The following PPFIA2 variants were observed in gnomAD, a reference collection of about 807,000 sequenced individuals.
The protein encoded by PPFIA2 is liprin-alpha-2.
A neutral mutation model predicts 175.5 loss-of-function variants in PPFIA2; 46 were observed. That is an observed-to-expected ratio of 0.26 (90% CI 0.21 to 0.34). PPFIA2 has a LOEUF of 0.34. Ranked by LOEUF, PPFIA2 falls within the 10% of genes least tolerant of loss-of-function variation. PPFIA2 has a pLI of 1.00. For missense variants in PPFIA2, 1,179 were observed against 1,506.1 expected, an observed-to-expected ratio of 0.78 and a Z score of 3.60; for synonymous variants, 568 against 511.4, an observed-to-expected ratio of 1.11 and a Z score of -1.49.
chr12:81,481,429 G>T (rs887753394), intron 4 of PPFIA2, among the ~76,000 whole-genome samples: 7 of 152,066 alleles, frequency 4.6e-5, no homozygotes, highest in African/African-American at 1.7e-4. Context: ...AGCCCGCATA[G>T]CCAAGACAAT....
At chr12:81,406,262 T>G (rs1592495327) in intron 7 of PPFIA2, among the ~76,000 whole-genome samples, 1 of 151,998 alleles carries the variant, frequency 6.6e-6, no homozygotes, top group Non-Finnish European at 1.5e-5. Context: ...AATAAAAATG[T>G]TTTTTTGGTC....
chr12:81,521,054 G>T (rs1344963178), intron 4 of PPFIA2, among the ~76,000 whole-genome samples: 1 of 152,002 alleles, frequency 6.6e-6, no homozygotes, highest in African/African-American at 2.4e-5. Flanking sequence ...ATAGTGCTAG[G>T]GAATCATATA....
At chr12:81,290,925 C>A (rs781054463) in intron 24 of PPFIA2, among the ~76,000 whole-genome samples, 1 of 151,716 alleles carries the variant, frequency 6.6e-6, no homozygotes, top group African/African-American at 2.4e-5. Context: ...GATTAAATAA[C>A]TTATCACATT....
chr12:81,648,582 T>C (rs983462387), intron 4 of PPFIA2, among the ~76,000 whole-genome samples: 3 of 152,104 alleles, frequency 2.0e-5, no homozygotes, highest in Non-Finnish European at 4.4e-5. Flanking sequence ...TTGATTTATA[T>C]ATCCTATGTA....
At chr12:81,323,675 T>C (rs903023511) in intron 22 of PPFIA2, among the ~76,000 whole-genome samples, 1 of 151,914 alleles carries the variant, frequency 6.6e-6, no homozygotes, top group Non-Finnish European at 1.5e-5. Context: ...CAATGTAAAA[T>C]TCAATAGAAA....
intron 30 of PPFIA2, among the ~76,000 whole-genome samples, chr12:81,266,695 C>T (rs774244997): frequency 2.6e-5 from 4 of 152,126 alleles, no homozygotes; most frequent in African/African-American, 7.2e-5. Context: ...TTTGCAGTCA[C>T]GACTCATAAA....
At chr12:81,469,414 G>A (rs959546052) in intron 4 of PPFIA2, among the ~76,000 whole-genome samples, 3 of 152,162 alleles carry the variant, frequency 2.0e-5, no homozygotes, top group African/African-American at 4.8e-5. Flanking sequence ...TGTGATAAAC[G>A]CTGTGATGGG....
intron 4 of PPFIA2, chr12:81,535,430 AG>A: frequency 2.2e-6 from 1 of 455,530 alleles, no homozygotes; most frequent in Non-Finnish European, 4.4e-6. Flanking sequence ...ACCATATCTC[AG>A]TGGACACTAG....
intron 4 of PPFIA2, among the ~76,000 whole-genome samples, chr12:81,599,642 G>A (rs2059597225): frequency 1.3e-5 from 2 of 151,900 alleles, no homozygotes; most frequent in South Asian, 4.1e-4. Context: ...TGATGTTAGT[G>A]TATTATTATT....
chr12:81,493,752 G>A (rs5004209), intron 4 of PPFIA2, among the ~76,000 whole-genome samples: 56 of 65,212 alleles, frequency 8.6e-4, no homozygotes, highest in African/African-American at 2.8e-3. Flanking sequence ...GTGTGTGTGT[G>A]TCTATATATA....
chr12:81,707,921 A>G (rs11503532), intron 3 of PPFIA2, among the ~76,000 whole-genome samples: 1 of 150,506 alleles, frequency 6.6e-6, no homozygotes, highest in Non-Finnish European at 1.5e-5. Flanking sequence ...CTATCGCAAG[A>G]ACAAAAAACC....
intron 5 of PPFIA2, among the ~76,000 whole-genome samples, chr12:81,450,144 G>A (rs1593175636): frequency 6.6e-6 from 1 of 152,130 alleles, no homozygotes; most frequent in East Asian, 1.9e-4. Flanking sequence ...TAATCCTTTG[G>A]GTATATACCC....
intron 24 of PPFIA2, among the ~76,000 whole-genome samples, chr12:81,290,848 A>G (rs1486349642): frequency 6.6e-6 from 1 of 151,894 alleles, no homozygotes. Context: ...AATTACAAGC[A>G]CATATTTTAC....
chr12:81,410,832 C>T (rs1429570060), intron 7 of PPFIA2, among the ~76,000 whole-genome samples: 2 of 152,010 alleles, frequency 1.3e-5, no homozygotes, highest in Admixed American at 1.3e-4. Flanking sequence ...GGAAGGTAAG[C>T]TGGTAGAATA....
chr12:81,635,739 A>C (rs952843702), intron 4 of PPFIA2, among the ~76,000 whole-genome samples: 1 of 152,320 alleles, frequency 6.6e-6, no homozygotes, highest in South Asian at 2.1e-4. Flanking sequence ...ACAGAAAAAA[A>C]AGCCAAGTGG....
rs141659040 is a variant in PPFIA2, at chr12:81,685,307, C to G, written c.250-8463G>C. ...ACTTAAGCAGTTAGTGTTTCCTTGA[C>G]AACATTATAGGGTAAATTTCCTGGG... On this transcript the variant is annotated intron_variant, in intron 3 of 32. Transcript: ENST00000549396. Among the ~76,000 whole-genome samples the G allele has an allele frequency of 5.3e-5, 8 of 152,012 alleles. 2 individuals carry two copies. Among genetic ancestry groups the G allele is most frequent in the African/African-American group, 1.9e-4 (8 of 41,472 alleles).
At chr12:81,415,562 CAGTT>C (rs146846036) in intron 7 of PPFIA2, among the ~76,000 whole-genome samples, 7,417 of 149,836 alleles carry the variant, frequency 0.05, 256 homozygotes, top group South Asian at 0.098. Context: ...AATTCAAACT[CAGTT>C]AGTTTATAAT....
At chr12:81,664,031 A>T (rs568020682) in intron 4 of PPFIA2, among the ~76,000 whole-genome samples, 2 of 152,330 alleles carry the variant, frequency 1.3e-5, no homozygotes, top group South Asian at 4.1e-4. Flanking sequence ...CTTATACAAA[A>T]ATAAATTCAA....
intron 9 of PPFIA2, among the ~76,000 whole-genome samples, chr12:81,380,704 G>A (rs1315715449): frequency 1.3e-5 from 2 of 152,102 alleles, no homozygotes; most frequent in Non-Finnish European, 2.9e-5. Context: ...TTTCTCTTCC[G>A]TGCTGCCGAG....
Sources: gnomAD v4.1 joint callset for allele counts (sites outside exome capture counted in the v4.1 genomes callset) on GRCh38, gnomAD v4.1.1 for gene constraint, MANE v1.5 for transcripts, NCBI Gene and HGNC (gene_info 2026-07-23, HGNC 2026-07-21) for gene names.